The following ABHD4 variants were observed in gnomAD, a reference collection of about 807,000 sequenced individuals.
ABHD4 encodes (Lyso)-N-acylphosphatidylethanolamine lipase.
A neutral mutation model predicts 42.3 loss-of-function variants in ABHD4; 35 were observed. That is an observed-to-expected ratio of 0.83 (90% CI 0.63 to 1.10). ABHD4 has a LOEUF of 1.10. Among genes scored for constraint, ABHD4 ranks in the 50% least tolerant of loss-of-function variants. ABHD4 has a pLI of 0.00. For synonymous variants in ABHD4, 169 were observed against 170.6 expected, an observed-to-expected ratio of 0.99 and a Z score of 0.07; for missense variants, 389 against 454.8, an observed-to-expected ratio of 0.86 and a Z score of 1.32.
chr14:22,598,885 T>C (rs188756352), intron 1 of ABHD4: 233 of 170,290 alleles, frequency 1.4e-3, no homozygotes, highest in African/African-American at 5.4e-3. Context: ...TAGTTGATAA[T>C]GCTTTTAATA....
At chr14:22,608,999 TGTTC>T (rs34281282) in intron 5 of ABHD4, among the ~76,000 whole-genome samples, 44,627 of 146,964 alleles carry the variant, frequency 0.3, 6,806 homozygotes, top group Middle Eastern at 0.35. Context: ...CATGCCTGGC[TGTTC>T]GTTTGTTTTT....
Position 22,609,801 on chromosome 14 carries a change from T to TC in ABHD4, c.830_831insC (p.Arg278SerfsTer39). ...CCTATGCTGGAGCGAATTCACTTGA[T>TC]TCGAAAAGATGTGCCTATCACTATG... is the stretch of plus-strand genomic sequence containing the variant. On this transcript the variant is annotated frameshift_variant, in exon 6 of 7. Transcript: ENST00000428304. LOFTEE classifies it high-confidence loss of function. The TC allele has an allele frequency of 6.2e-7, 1 of 1,614,158 alleles. No homozygotes were observed. The highest frequency in any genetic ancestry group is 8.5e-7 in the Non-Finnish European group (1 of 1,180,020).
intron 2 of ABHD4, 148 bp from the exon 3 acceptor site, chr14:22,603,242 A>G (rs1361479768): frequency 5.0e-6 from 5 of 999,662 alleles, no homozygotes; most frequent in Non-Finnish European, 5.8e-6. Context: ...AGTTGTTTTC[A>G]GTGGTCAGAG....
intron 1 of ABHD4, 167 bp downstream of exon 1, chr14:22,598,496 C>CA: frequency 6.5e-7 from 1 of 1,531,870 alleles, no homozygotes; most frequent in Non-Finnish European, 8.7e-7. Context: ...TGCATTTGCC[C>CA]AGAAGAGGCA....
At chr14:22,603,055 G>A (rs1019308918) in intron 2 of ABHD4, among the ~76,000 whole-genome samples, 5 of 152,158 alleles carry the variant, frequency 3.3e-5, no homozygotes, top group African/African-American at 9.7e-5. Flanking sequence ...GAGGGATGAG[G>A]AACTTGATCA....
At chr14:22,598,819 G>C in intron 1 of ABHD4, 1 of 216,110 alleles carries the variant, frequency 4.6e-6, no homozygotes, top group Admixed American at 5.5e-5. Flanking sequence ...GTGGAACAAC[G>C]GGCTTGCAAG....
intron 1 of ABHD4, 116 bp downstream of exon 1, chr14:22,598,445 C>A (rs1284639138): frequency 1.3e-6 from 2 of 1,545,568 alleles, no homozygotes; most frequent in South Asian, 1.2e-5. Context: ...TTTTCCAGGT[C>A]GGCCTCCGGG....
In ABHD4 at chr14:22,598,461, CG is replaced by C. The variant is rs1036136237; in HGVS notation, c.23+138del. On this transcript the variant is annotated intron_variant, in intron 1 of 6. Coordinates refer to ENST00000428304, the MANE Select transcript of ABHD4 (RefSeq NM_022060.3). ...TTTCCAGGTCGGCCTCCGGGGAGGG[CG>C]GGGGGTGGGTGCGTTGCTTGCTTTG... The C allele has an allele frequency of 2.5e-5, 39 of 1,540,490 alleles. 1 individual carries two copies. Among genetic ancestry groups the C allele is most frequent in the Admixed American group, 9.8e-5 (5 of 50,854 alleles).
At position 22,610,645 on chromosome 14, in the gene ABHD4, A is replaced by G. The variant is rs114212366; in HGVS notation, c.940-214A>G. Among the ~76,000 whole-genome samples, 557 of 152,364 alleles carry G rather than the reference A, an allele frequency of 3.7e-3. 6 individuals are homozygous for G. Among genetic ancestry groups the G allele is most frequent in the African/African-American group, 0.013 (526 of 41,586 alleles). On this transcript the variant is annotated intron_variant, in intron 6 of 6. Coordinates refer to ENST00000428304, the MANE Select transcript of ABHD4 (RefSeq NM_022060.3). Reference sequence around the variant, plus strand: ...CAGTGGTGGGGCTAACACAGAAGGAAAGACACAGTGAATGTTTATCAAGTA... The same window carrying G: ...CAGTGGTGGGGCTAACACAGAAGGAGAGACACAGTGAATGTTTATCAAGTA...
Position 22,611,412 on chromosome 14 carries a change from AG to A in ABHD4, c.*467del, listed in dbSNP as rs2037413740. 6.0e-6 allele frequency: 1 copy of A among 167,682 alleles called. No homozygotes were observed. Among genetic ancestry groups the A allele is most frequent in the Non-Finnish European group, 1.3e-5 (1 of 76,594 alleles). The allele number at this position is 167,682 out of a possible 1,614,324, so 10.4% of individuals were successfully genotyped here. ...ACCCCATCCCATACCAGTTCCATCC[AG>A]GGTCTGCTTAACTGCCAAGAGCAGG... On this transcript the variant is annotated 3_prime_UTR_variant, in exon 7 of 7. Transcript: ENST00000428304.
At chr14:22,608,824 C>A (rs1172335055) in intron 5 of ABHD4, among the ~76,000 whole-genome samples, 1 of 152,212 alleles carries the variant, frequency 6.6e-6, no homozygotes, top group African/African-American at 2.4e-5. Context: ...GCCTCAGCCT[C>A]CCAAGTAGCT....
rs142592662 is a variant in ABHD4 at position 22,605,387 on chromosome 14, G to A, written c.641-1035G>A. Among the ~76,000 whole-genome samples, 587 of 152,294 alleles carry A rather than the reference G, an allele frequency of 3.9e-3. 3 individuals are homozygous for A. Among genetic ancestry groups the A allele is most frequent in the African/African-American group, 0.013 (558 of 41,560 alleles). On this transcript the variant is annotated intron_variant, in intron 4 of 6. Transcript: ENST00000428304. ...CAATTATTATGAGTTAATTGCTGAT[G>A]GCTAAGTAAGAGTTATCTCTCTAGG...
chr14:22,610,539 T>G (rs376126587), intron 6 of ABHD4, among the ~76,000 whole-genome samples: 79 of 152,290 alleles, frequency 5.2e-4, no homozygotes, highest in African/African-American at 1.8e-3. Context: ...CTCTCCGCCA[T>G]GTGCCAATGA....
chr14:22,606,685 A>C (rs1466592258), intron 5 of ABHD4, 152 bp downstream of exon 5: 4 of 606,390 alleles, frequency 6.6e-6, no homozygotes, highest in African/African-American at 1.9e-5. Flanking sequence ...ATTTCCAGAG[A>C]GTTCCCCAGG....
At chr14:22,604,747 C>T (rs1164245185) in intron 4 of ABHD4, among the ~76,000 whole-genome samples, 1 of 151,968 alleles carries the variant, frequency 6.6e-6, no homozygotes, top group East Asian at 1.9e-4. Context: ...GTAGCTGGGA[C>T]TGCAGGTGTA....
In ABHD4 at chr14:22,605,497, G is replaced by A. The variant is rs146520326; in HGVS notation, c.641-925G>A. On this transcript the variant is annotated intron_variant, in intron 4 of 6. Coordinates refer to ENST00000428304, the MANE Select transcript of ABHD4 (RefSeq NM_022060.3). ...GGAGTTTAGGAGTTCTGAGAGAGAG[G>A]AAGGATACCAAGACACGGGTGCCAA... Among the ~76,000 whole-genome samples, 813 of 152,296 alleles carry A rather than the reference G, an allele frequency of 5.3e-3. 6 individuals are homozygous for A. The highest frequency in any genetic ancestry group is 0.033 in the South Asian group (158 of 4,820).
chr14:22,607,999 A>G (rs1179712426), intron 5 of ABHD4, among the ~76,000 whole-genome samples: 2 of 152,072 alleles, frequency 1.3e-5, no homozygotes, highest in Non-Finnish European at 2.9e-5. Flanking sequence ...TATCTACTTC[A>G]TCTCACCTAA....
Position 22,606,474 on chromosome 14 carries a change from C to T in ABHD4, c.693C>T (p.Asp231=), listed in dbSNP as rs1414114662. 1 of 1,613,734 alleles carries T rather than the reference C, an allele frequency of 6.2e-7. No homozygotes were observed. ...CGGACTTCAAACGCAAGTTTGCAGA[C>T]TTCTTTGAAGATGATACCATATCAG... ...FRPDFKRKFA[D]FFEDDTISEY... Residue 231 remains aspartate (D), a synonymous_variant, in exon 5 of 7, where the codon GAC becomes GAT. Transcript: ENST00000428304.
At chr14:22,608,634 A>C (rs2037374417) in intron 5 of ABHD4, among the ~76,000 whole-genome samples, 1 of 152,140 alleles carries the variant, frequency 6.6e-6, no homozygotes, top group South Asian at 2.1e-4. Flanking sequence ...CTAAATCCCC[A>C]GTCTGTGTTT....
Sources: allele counts gnomAD v4.1 joint callset (sites outside exome capture counted in the v4.1 genomes callset), GRCh38; gene constraint gnomAD v4.1.1; transcripts MANE v1.5; gene names NCBI Gene and HGNC (gene_info 2026-07-23, HGNC 2026-07-21).